SLMAP: variants seen among roughly 807,000 people sequenced by gnomAD.
The protein encoded by SLMAP is sarcolemma associated protein.
SLMAP carries 44 observed loss-of-function variants against 128.8 expected under a neutral mutation model. The observed-to-expected ratio is 0.34, with a 90% CI of 0.27 to 0.44. SLMAP has a LOEUF of 0.44. Ranked by LOEUF, SLMAP falls within the 20% of genes least tolerant of loss-of-function variation. SLMAP has a pLI of 1.00. For missense variants in SLMAP, 787 were observed against 985.3 expected (o/e 0.80, Z 2.69); for synonymous variants, 327 against 348.8 (o/e 0.94, Z 0.70).
At chr3:57,764,950 C>T (rs546921555) in intron 2 of SLMAP, among the ~76,000 whole-genome samples, 9 of 152,288 alleles carry the variant, frequency 5.9e-5, no homozygotes, top group South Asian at 4.1e-4. Context: ...ATTAGGACTT[C>T]GGCAAAGCGC....
chr3:57,837,570 T>C (rs575468356), intron 3 of SLMAP, among the ~76,000 whole-genome samples: 7 of 152,106 alleles, frequency 4.6e-5, no homozygotes, highest in Non-Finnish European at 8.8e-5. Flanking sequence ...AAGGTTTCAC[T>C]GTGTTAACCA....
chr3:57,763,222 C>G (rs2079035676), intron 2 of SLMAP, among the ~76,000 whole-genome samples: 1 of 151,266 alleles, frequency 6.6e-6, no homozygotes, highest in South Asian at 2.1e-4. Flanking sequence ...AGTTTACTTA[C>G]TAGTGGTAGT....
chr3:57,863,994 G>T (rs2095213782), intron 10 of SLMAP, among the ~76,000 whole-genome samples: 1 of 151,940 alleles, frequency 6.6e-6, no homozygotes, highest in Non-Finnish European at 1.5e-5. Flanking sequence ...CTTTACCTCT[G>T]TGTGTACTGA....
chr3:57,831,916 G>T (rs1299196934), intron 3 of SLMAP, among the ~76,000 whole-genome samples: 1 of 152,162 alleles, frequency 6.6e-6, no homozygotes, highest in South Asian at 2.1e-4. Flanking sequence ...CTGTCTTCCT[G>T]TTCTACTGTC....
chr3:57,835,034 A>T (rs1490838810), intron 3 of SLMAP, among the ~76,000 whole-genome samples: 5 of 137,442 alleles, frequency 3.6e-5, no homozygotes, highest in African/African-American at 1.1e-4. Flanking sequence ...AAGTGGGAGG[A>T]TGGCTTGAGC....
intron 5 of SLMAP, among the ~76,000 whole-genome samples, chr3:57,847,825 A>C (rs2094325464): frequency 6.6e-6 from 1 of 152,218 alleles, no homozygotes; most frequent in Non-Finnish European, 1.5e-5. Flanking sequence ...TAGTGCAGTA[A>C]CTAAACTAGT....
chr3:57,813,871 A>G (rs531456598), intron 2 of SLMAP, among the ~76,000 whole-genome samples: 91 of 152,170 alleles, frequency 6.0e-4, no homozygotes, highest in African/African-American at 2.0e-3. Context: ...CCAAACTTAT[A>G]TTAAACATCT....
At chr3:57,787,985 T>A (rs2084609776) in intron 2 of SLMAP, among the ~76,000 whole-genome samples, 1 of 152,204 alleles carries the variant, frequency 6.6e-6, no homozygotes, top group Non-Finnish European at 1.5e-5. Context: ...AATGATAAGA[T>A]GGTGAAGAAA....
chr3:57,780,130 T>C (rs76881650), intron 2 of SLMAP, among the ~76,000 whole-genome samples: 3 of 151,720 alleles, frequency 2.0e-5, no homozygotes, highest in Non-Finnish European at 2.9e-5. Context: ...CTTTTTTTTT[T>C]CACATTGCCC....
intron 2 of SLMAP, among the ~76,000 whole-genome samples, chr3:57,808,673 C>T (rs1229618017): frequency 6.6e-6 from 1 of 152,138 alleles, no homozygotes; most frequent in Non-Finnish European, 1.5e-5. Context: ...TTTACTACCT[C>T]CAATTATGTG....
chr3:57,889,561 T>A (rs909718223), intron 14 of SLMAP, among the ~76,000 whole-genome samples: 1 of 152,200 alleles, frequency 6.6e-6, no homozygotes, highest in Non-Finnish European at 1.5e-5. Flanking sequence ...AACAAAATTT[T>A]TTTATTTCTT....
At position 57,925,999 on chromosome 3, in the gene SLMAP, A is replaced by G. The variant is rs1000934274; in HGVS notation, c.*6+65A>G. On this transcript the variant is annotated intron_variant, in intron 24 of 24. Transcript: ENST00000671191. ...GTCACCTTTTTGTGCCATATTTGTA[A>G]TATAGTGCATGGCAAGAACACACAG... The G allele has an allele frequency of 1.9e-5, 21 of 1,128,138 alleles. No homozygotes were observed. The African/African-American group carries it at 3.1e-4, about 17-fold the overall frequency. The allele number at this position is 1,128,138 out of a possible 1,614,324, so 69.9% of individuals were successfully genotyped here. A position where few individuals can be genotyped will look rare whatever the true frequency, so the allele number is the denominator to read the frequency against.
intron 2 of SLMAP, among the ~76,000 whole-genome samples, chr3:57,827,538 A>G (rs886959807): frequency 6.6e-6 from 1 of 152,246 alleles, no homozygotes; most frequent in Non-Finnish European, 1.5e-5. Context: ...ATTCAGGGAA[A>G]GCAAGGAGTT....
chr3:57,862,209 T>C, intron 10 of SLMAP, 123 bp downstream of exon 10: 1 of 719,194 alleles, frequency 1.4e-6, no homozygotes, highest in South Asian at 1.8e-5. Context: ...TCCCAGCTTC[T>C]CAGGAGGCTG....
chr3:57,929,708 G>A lies in SLMAP; in HGVS notation c.*2419G>A, dbSNP rs189217998. Among the ~76,000 whole-genome samples the A allele has an allele frequency of 6.6e-6, 1 of 152,190 alleles. No homozygotes were observed. The highest frequency in any genetic ancestry group is 1.5e-5 in the Non-Finnish European group (1 of 68,034). ...GGTTAGAGAATAAAAAGAACGTGGT[G>A]TTTGAAGCAAAACAGATCTGTATTG... On this transcript the variant is annotated 3_prime_UTR_variant, in exon 25 of 25. Coordinates refer to ENST00000671191, the MANE Select transcript of SLMAP (RefSeq NM_001377540.1).
chr3:57,816,306 G>T (rs766393816), intron 2 of SLMAP, among the ~76,000 whole-genome samples: 1 of 152,020 alleles, frequency 6.6e-6, no homozygotes, highest in Non-Finnish European at 1.5e-5. Flanking sequence ...ACCACACCTG[G>T]CTAATTTTTG....
chr3:57,820,518 G>A (rs771036495), intron 2 of SLMAP, among the ~76,000 whole-genome samples: 22 of 152,004 alleles, frequency 1.4e-4, no homozygotes, highest in Non-Finnish European at 2.9e-4. Flanking sequence ...TTCAGCCCCC[G>A]CCCCCACTAC....
intron 17 of SLMAP, chr3:57,901,469 A>G (rs1301029026): frequency 2.0e-5 from 3 of 152,230 alleles, no homozygotes; most frequent in Admixed American, 6.5e-5. Context: ...AAATGACTCT[A>G]TAAATAGTGT....
chr3:57,909,167 G>C lies in SLMAP; in HGVS notation c.1699+17G>C. On this transcript the variant is annotated intron_variant, in intron 19 of 24. Coordinates refer to ENST00000671191, the MANE Select transcript of SLMAP (RefSeq NM_001377540.1). ...TTCTTCAAGGTATGGAAGACCCCAA[G>C]GCTCTTTGAGATTGTTATTGTGTGT... The C allele has an allele frequency of 6.4e-7, 1 of 1,552,802 alleles. No homozygotes were observed. Among genetic ancestry groups the C allele is most frequent in the South Asian group, 1.2e-5 (1 of 86,354 alleles).
Sources: allele counts gnomAD v4.1 joint callset (sites outside exome capture counted in the v4.1 genomes callset), GRCh38; gene constraint gnomAD v4.1.1; transcripts MANE v1.5; gene names NCBI Gene and HGNC (gene_info 2026-07-23, HGNC 2026-07-21).